CELF2: variants seen among roughly 807,000 people sequenced by gnomAD.
CELF2 encodes CUGBP Elav-like family member 2, also known as CUG triplet repeat RNA-binding protein 2.
In CELF2, 8 loss-of-function variants were observed where a neutral mutation model predicts 62.6. That is an observed-to-expected ratio of 0.13 (90% confidence interval 0.07 to 0.23). The LOEUF (loss-of-function observed/expected upper bound fraction) is 0.23. CELF2 is among the 10% of genes least tolerant of loss of function. CELF2 has a pLI of 1.00. For synonymous variants in CELF2, 258 were observed against 250.0 expected (o/e 1.03, Z -0.30); for missense variants, 333 against 671.0 (o/e 0.50, Z 5.56).
chr10:11,040,702 T>C (rs1265985102), intron 1 of CELF2, among the ~76,000 whole-genome samples: 1 of 152,002 alleles, frequency 6.6e-6, no homozygotes, highest in East Asian at 1.9e-4. Context: ...TCCCCACTCA[T>C]GGAAATGATT....
chr10:10,929,450 A>G (rs1262489236), intron 2 of CELF2, among the ~76,000 whole-genome samples: 1 of 152,240 alleles, frequency 6.6e-6, no homozygotes, highest in African/African-American at 2.4e-5. Context: ...AGAGAGGATT[A>G]TGCTAATTAT....
At chr10:10,905,402 T>C (rs562556658) in intron 1 of CELF2, among the ~76,000 whole-genome samples, 1 of 152,340 alleles carries the variant, frequency 6.6e-6, no homozygotes, top group East Asian at 1.9e-4. Flanking sequence ...AAACTTAGGT[T>C]AAATTGCCAT....
chr10:11,109,164 G>C (rs1267222204), intron 1 of CELF2, among the ~76,000 whole-genome samples: 2 of 152,190 alleles, frequency 1.3e-5, no homozygotes, highest in Non-Finnish European at 2.9e-5. Flanking sequence ...TTGTGTTTCT[G>C]TTGCTCCTGT....
chr10:10,492,323 G>A, the CELF2 span, among the ~76,000 whole-genome samples: 1 of 152,136 alleles, frequency 6.6e-6, no homozygotes, highest in Non-Finnish European at 1.5e-5. Context: ...TGATTAGTCT[G>A]TCTCTCCAGG....
At chr10:11,202,238 C>T (rs1033753296) in intron 2 of CELF2, among the ~76,000 whole-genome samples, 65 of 152,094 alleles carry the variant, frequency 4.3e-4, no homozygotes, top group African/African-American at 1.3e-3. Flanking sequence ...ATGAAATCTT[C>T]GGGGCATTTT....
At chr10:11,189,737 A>G (rs556591455) in intron 2 of CELF2, among the ~76,000 whole-genome samples, 12 of 152,242 alleles carry the variant, frequency 7.9e-5, no homozygotes, top group African/African-American at 2.9e-4. Flanking sequence ...TGCAACTCTT[A>G]ATTATATTTC....
intron 7 of CELF2, among the ~76,000 whole-genome samples, chr10:11,272,858 C>T (rs1220637472): frequency 2.0e-5 from 3 of 152,122 alleles, no homozygotes; most frequent in African/African-American, 7.2e-5. Context: ...TTTCCACTTA[C>T]CTCAGTAGGT....
the CELF2 span, among the ~76,000 whole-genome samples, chr10:10,653,308 C>T: frequency 6.6e-5 from 10 of 150,672 alleles, no homozygotes; most frequent in African/African-American, 1.5e-4. Flanking sequence ...GACAGATCAA[C>T]GAGACAGAAA....
chr10:10,950,535 G>A (rs1024841624), intron 2 of CELF2, among the ~76,000 whole-genome samples: 9 of 152,054 alleles, frequency 5.9e-5, no homozygotes, highest in African/African-American at 1.4e-4. Context: ...CTTTAATAGC[G>A]CCTTATCATG....
At chr10:11,283,975 C>CTGTGGTAGGTGGATGAT (rs2090065502) in intron 8 of CELF2, among the ~76,000 whole-genome samples, 16 of 35,824 alleles carry the variant, frequency 4.5e-4, no homozygotes, top group Admixed American at 7.9e-4. Flanking sequence ...GGGTGGATGA[C>CTGTGGTAGGTGGATGAT]GGATGAGTGT....
chr10:11,081,019 G>C (rs1202929202), intron 1 of CELF2, among the ~76,000 whole-genome samples: 1 of 152,136 alleles, frequency 6.6e-6, no homozygotes, highest in African/African-American at 2.4e-5. Flanking sequence ...GAATTTCTCA[G>C]ATGTTGCTTT....
chr10:10,642,233 C>T, the CELF2 span, among the ~76,000 whole-genome samples: 1 of 152,226 alleles, frequency 6.6e-6, no homozygotes, highest in Non-Finnish European at 1.5e-5. Flanking sequence ...TTCTTCCCCA[C>T]TTTACACATT....
intron 9 of CELF2, among the ~76,000 whole-genome samples, chr10:11,308,391 G>A (rs73583242): frequency 0.024 from 3,653 of 152,266 alleles, 137 homozygotes; most frequent in African/African-American, 0.082. Flanking sequence ...ATGTGTGTGA[G>A]TGTGCTTAAT....
At chr10:10,875,644 G>C (rs933705743) in intron 1 of CELF2, among the ~76,000 whole-genome samples, 1 of 152,156 alleles carries the variant, frequency 6.6e-6, no homozygotes. Flanking sequence ...TTTCCTGCCT[G>C]TGCTGGGGTG....
intron 1 of CELF2, among the ~76,000 whole-genome samples, chr10:11,088,722 C>A (rs2047492377): frequency 1.3e-5 from 2 of 152,184 alleles, no homozygotes; most frequent in South Asian, 2.1e-4. Context: ...AGAACCTCTT[C>A]CTTATGGACT....
At chr10:10,900,238 C>T (rs2062841006) in intron 1 of CELF2, among the ~76,000 whole-genome samples, 1 of 152,182 alleles carries the variant, frequency 6.6e-6, no homozygotes, top group South Asian at 2.1e-4. Context: ...ATGAGACAAG[C>T]ATCACCCTGT....
chr10:11,128,217 T>G (rs1428421669), intron 1 of CELF2, among the ~76,000 whole-genome samples: 2 of 152,212 alleles, frequency 1.3e-5, no homozygotes, highest in Non-Finnish European at 1.5e-5. Context: ...TTCTGAGGGC[T>G]CTGTTCTGTT....
intron 1 of CELF2, among the ~76,000 whole-genome samples, chr10:11,061,358 G>C (rs1313412179): frequency 6.6e-6 from 1 of 152,232 alleles, no homozygotes; most frequent in Non-Finnish European, 1.5e-5. Flanking sequence ...TGAGGAAGCT[G>C]CAGAAGAGCA....
the CELF2 span, among the ~76,000 whole-genome samples, chr10:10,698,617 G>A: frequency 7.2e-4 from 109 of 152,268 alleles, 1 homozygote; most frequent in East Asian, 0.017. Flanking sequence ...TAGCTTGCTT[G>A]TGCAACCAAC....
Sources: gnomAD v4.1 joint callset for allele counts (sites outside exome capture counted in the v4.1 genomes callset) on GRCh38, gnomAD v4.1.1 for gene constraint, MANE v1.5 for transcripts, NCBI Gene and HGNC (gene_info 2026-07-23, HGNC 2026-07-21) for gene names.